The following RTF1 variants were observed in gnomAD, a reference collection of about 807,000 sequenced individuals.
The protein encoded by RTF1 is RNA polymerase-associated protein RTF1 homolog.
In RTF1, 10 loss-of-function variants were observed where a neutral mutation model predicts 95.7. The ratio of observed to expected loss-of-function variants is 0.10; its 90% CI spans 0.06 to 0.18. The LOEUF (loss-of-function observed/expected upper bound fraction) is 0.18, where lower values mean the gene tolerates loss of function less well. RTF1 is among the 10% of genes least tolerant of loss of function. The pLI is 1.00. For missense variants in RTF1, 458 were observed against 875.6 expected (o/e 0.52, Z 6.02); for synonymous variants, 305 against 311.8 (o/e 0.98, Z 0.23).
intron 3 of RTF1, among the ~76,000 whole-genome samples, chr15:41,454,255 A>G (rs1238116127): frequency 6.6e-6 from 1 of 152,022 alleles, no homozygotes; most frequent in Non-Finnish European, 1.5e-5. Context: ...ACACTTAGCT[A>G]ATTTTTTATA....
At chr15:41,433,598 A>G (rs74327215) in intron 1 of RTF1, among the ~76,000 whole-genome samples, 7,669 of 152,058 alleles carry the variant, frequency 0.05, 234 homozygotes, top group East Asian at 0.16. Flanking sequence ...TGGTATTACA[A>G]ACGTGAGCCA....
chr15:41,457,528 A>G lies in RTF1; in HGVS notation c.458-144A>G, dbSNP rs1388429381. ...CAATAAGAGCAAAACTCCATCTCAA[A>G]AAAAAAGTAAAAACAAATAAGTAAA... On this transcript the variant is annotated intron_variant, in intron 3 of 17. Transcript: ENST00000389629. 6.2e-6 allele frequency: 5 copies of G among 801,982 alleles called. No individual in the cohort carries two copies. The Admixed American group carries it at 1.2e-4, about 19-fold the overall frequency. 49.7% of individuals were successfully genotyped at this position (801,982 alleles called of 1,614,324 possible). A position where few individuals can be genotyped will look rare whatever the true frequency, so the allele number is the denominator to read the frequency against.
chr15:41,471,063 A>T, intron 7 of RTF1, 109 bp from the exon 8 acceptor site: 1 of 1,006,096 alleles, frequency 9.9e-7, no homozygotes, highest in Non-Finnish European at 1.5e-6. Flanking sequence ...TTCTCCTCCT[A>T]GGCCAGTCAC....
Position 41,476,534 on chromosome 15 carries a change from G to A in RTF1, c.1560+11G>A, listed in dbSNP as rs1371819616. ...CTACTGAAGGAAAAGGTAAGGAGTT[G>A]TACTCGAGCCTCTTTCCTCATCCTG... On this transcript the variant is annotated intron_variant, in intron 12 of 17. Transcript: ENST00000389629. The A allele has an allele frequency of 6.2e-7, 1 of 1,608,862 alleles. No homozygotes were observed. Among genetic ancestry groups the A allele is most frequent in the Non-Finnish European group, 8.5e-7 (1 of 1,175,354 alleles).
At chr15:41,454,266 T>C (rs1294359938) in intron 3 of RTF1, among the ~76,000 whole-genome samples, 2 of 152,042 alleles carry the variant, frequency 1.3e-5, no homozygotes, top group African/African-American at 4.8e-5. Flanking sequence ...ATTTTTTATA[T>C]TTTTAGTAGA....
intron 15 of RTF1, 142 bp from the exon 16 acceptor site, chr15:41,478,961 T>TTTTTTTTTTG: frequency 1.7e-6 from 1 of 573,532 alleles, no homozygotes; most frequent in Non-Finnish European, 3.0e-6. Context: ...TTTTTTTTTT[T>TTTTTTTTTTG]GCTGCTTTGA....
intron 4 of RTF1, among the ~76,000 whole-genome samples, chr15:41,461,759 G>T (rs1361131151): frequency 6.6e-6 from 1 of 151,678 alleles, no homozygotes; most frequent in Non-Finnish European, 1.5e-5. Context: ...AAAGTGCTGG[G>T]ATTACAGGTG....
intron 12 of RTF1, among the ~76,000 whole-genome samples, 161 bp downstream of exon 12, chr15:41,476,684 G>A (rs1316918205): frequency 1.3e-5 from 2 of 152,200 alleles, no homozygotes; most frequent in Non-Finnish European, 2.9e-5. Flanking sequence ...AACGTTCCTT[G>A]GCCATTTTCC....
At chr15:41,436,681 C>G (rs2050705051) in intron 1 of RTF1, among the ~76,000 whole-genome samples, 1 of 151,366 alleles carries the variant, frequency 6.6e-6, no homozygotes, top group Non-Finnish European at 1.5e-5. Context: ...GTAGTCCCAT[C>G]TACTTGGGAG....
intron 1 of RTF1, among the ~76,000 whole-genome samples, chr15:41,436,623 C>CAAA (rs1217444789): frequency 3.9e-5 from 2 of 50,822 alleles, no homozygotes; most frequent in Non-Finnish European, 8.3e-5. Context: ...GACTCTGTCT[C>CAAA]AAAAAAAAAA....
chr15:41,470,524 G>A (rs1377782608), intron 7 of RTF1, 132 bp downstream of exon 7: 1 of 908,704 alleles, frequency 1.1e-6, no homozygotes, highest in African/African-American at 1.6e-5. Context: ...GCTGAACTGA[G>A]TTCCCCAGCA....
chr15:41,476,600 G>A lies in RTF1; in HGVS notation c.1560+77G>A. ...ATCAAACTTGTTCATCCTCTGCCAA[G>A]TTAGTGGTGGTAGGATTGGGAGAAA... On this transcript the variant is annotated intron_variant, in intron 12 of 17. Transcript: ENST00000389629. 1.5e-6 allele frequency: 2 copies of A among 1,324,240 alleles called. 1 individual carries two copies. 82.0% of individuals were successfully genotyped at this position (1,324,240 alleles called of 1,614,324 possible).
At chr15:41,442,486 G>A (rs1004686174) in intron 2 of RTF1, among the ~76,000 whole-genome samples, 32 of 151,720 alleles carry the variant, frequency 2.1e-4, no homozygotes, top group African/African-American at 7.5e-4. Context: ...CGTCTTTCGT[G>A]GGTGAAAAAA....
rs565721622 is a variant in RTF1, at chr15:41,451,092, C to T, written c.310-1809C>T. ...CTTCAGAACTACACCTCTACCCAACCCCACCCCCTCAAAAAAAGATCAAAA... is the reference window on the plus strand; with the variant it reads ...CTTCAGAACTACACCTCTACCCAACTCCACCCCCTCAAAAAAAGATCAAAA... On this transcript the variant is annotated intron_variant, in intron 2 of 17. Transcript: ENST00000389629. Among the ~76,000 whole-genome samples the T allele has an allele frequency of 3.3e-5, 5 of 152,150 alleles. No individual in the cohort carries two copies. In the East Asian group the frequency reaches 9.6e-4, roughly 29 times the overall value.
chr15:41,478,689 TAGGA>T, intron 15 of RTF1, 64 bp downstream of exon 15: 1 of 1,294,430 alleles, frequency 7.7e-7, no homozygotes, highest in Admixed American at 1.7e-5. Context: ...TGAATTCCAT[TAGGA>T]AATTAATAAT....
intron 14 of RTF1, among the ~76,000 whole-genome samples, chr15:41,478,048 G>A (rs773526747): frequency 2.0e-5 from 3 of 151,894 alleles, no homozygotes; most frequent in Non-Finnish European, 4.4e-5. Context: ...GGAGATTGCA[G>A]TGAGCTGTCG....
intron 5 of RTF1, among the ~76,000 whole-genome samples, 170 bp downstream of exon 5, chr15:41,465,055 C>T (rs2050873339): frequency 6.6e-6 from 1 of 151,934 alleles, no homozygotes; most frequent in African/African-American, 2.4e-5. Context: ...ATTAGCTGTG[C>T]TGTTAAATCC....
At chr15:41,422,136 G>A (rs1236866614) in intron 1 of RTF1, among the ~76,000 whole-genome samples, 2 of 152,086 alleles carry the variant, frequency 1.3e-5, no homozygotes, top group African/African-American at 2.4e-5. Context: ...CTGGGTTCAA[G>A]CAATTCTCCT....
chr15:41,436,456 CAA>C (rs1029344817), intron 1 of RTF1, among the ~76,000 whole-genome samples: 8 of 63,870 alleles, frequency 1.3e-4, no homozygotes, highest in Non-Finnish European at 1.3e-4. Flanking sequence ...GACTCCGTCT[CAA>C]AAAAAAAAAA....
Sources: allele counts gnomAD v4.1 joint callset (sites outside exome capture counted in the v4.1 genomes callset), GRCh38; gene constraint gnomAD v4.1.1; transcripts MANE v1.5; gene names NCBI Gene and HGNC (gene_info 2026-07-23, HGNC 2026-07-21).